The following GOLGA1 variants were observed in gnomAD, a reference collection of about 807,000 sequenced individuals.
GOLGA1 encodes golgin subfamily A member 1.
A neutral mutation model predicts 119.7 loss-of-function variants in GOLGA1; 63 were observed. That is an observed-to-expected ratio of 0.53 (90% CI 0.43 to 0.65). The LOEUF is 0.65. Ranked by LOEUF, GOLGA1 falls within the 30% of genes least tolerant of loss-of-function variation. GOLGA1 has a pLI of 0.00. For missense variants in GOLGA1, 798 were observed against 912.8 expected (o/e 0.87, Z 1.62); for synonymous variants, 318 against 333.4 (o/e 0.95, Z 0.50).
intron 8 of GOLGA1, among the ~76,000 whole-genome samples, chr9:124,922,624 C>G (rs978438779): frequency 6.7e-6 from 1 of 149,008 alleles, no homozygotes; most frequent in African/African-American, 2.5e-5. Context: ...TGGTGGCACA[C>G]ACCTACAGTA....
chr9:124,908,834 C>T (rs1830280937), intron 11 of GOLGA1, among the ~76,000 whole-genome samples: 1 of 152,192 alleles, frequency 6.6e-6, no homozygotes. Context: ...AGGGGGATGA[C>T]CAACGGCTAT....
chr9:124,888,483 T>C lies in GOLGA1; in HGVS notation c.1762-87A>G. On this transcript the variant is annotated intron_variant, in intron 18 of 22. Coordinates refer to ENST00000373555, the MANE Select transcript of GOLGA1 (RefSeq NM_002077.4). The surrounding 1 kb of genome is among the most constrained non-coding windows in gnomAD (Gnocchi z 4.4). ...ACACAGGGAAGGGGAGCTAGACTCG[T>C]CCCTTAGGTATGGGCGTTGTGCTCC... 8.1e-7 allele frequency: 1 copy of C among 1,236,824 alleles called. No homozygotes were observed. The highest frequency in any genetic ancestry group is 1.2e-6 in the Non-Finnish European group (1 of 853,268). 76.6% of individuals were successfully genotyped at this position (1,236,824 alleles called of 1,614,324 possible).
intron 3 of GOLGA1, among the ~76,000 whole-genome samples, chr9:124,933,264 T>C (rs1830805916): frequency 6.6e-6 from 1 of 152,198 alleles, no homozygotes; most frequent in South Asian, 2.1e-4. Context: ...TAGAAAGGCC[T>C]GCTTTTAAGG....
intron 3 of GOLGA1, among the ~76,000 whole-genome samples, chr9:124,932,704 G>A (rs1416326732): frequency 6.6e-6 from 1 of 152,188 alleles, no homozygotes; most frequent in African/African-American, 2.4e-5. Flanking sequence ...TAGAATGTGT[G>A]ACTTATAAAC....
chr9:124,925,892 T>C (rs558210591), intron 7 of GOLGA1, among the ~76,000 whole-genome samples: 16 of 152,348 alleles, frequency 1.1e-4, no homozygotes, highest in African/African-American at 3.8e-4. Flanking sequence ...GAGCCAGGAA[T>C]ATATTACTTA....
intron 11 of GOLGA1, among the ~76,000 whole-genome samples, chr9:124,911,600 G>A (rs1035505553): frequency 2.6e-5 from 4 of 152,250 alleles, no homozygotes; most frequent in African/African-American, 9.6e-5. Context: ...GAAGAGGGCA[G>A]TGCAGAAAGA....
intron 10 of GOLGA1, among the ~76,000 whole-genome samples, chr9:124,913,615 G>A (rs574103172): frequency 6.6e-6 from 1 of 152,306 alleles, no homozygotes; most frequent in South Asian, 2.1e-4. Flanking sequence ...GATAGTGGAG[G>A]GGAAGTCTGA....
intron 7 of GOLGA1, 103 bp from the exon 8 acceptor site, chr9:124,923,326 C>CA: frequency 1.1e-6 from 1 of 924,542 alleles, no homozygotes; most frequent in Non-Finnish European, 1.6e-6. Context: ...TCTTTAGAGA[C>CA]AGAGTCTCAC....
At chr9:124,884,852 G>A (rs148398560) in intron 19 of GOLGA1, among the ~76,000 whole-genome samples, 137 of 152,252 alleles carry the variant, frequency 9.0e-4, no homozygotes, top group African/African-American at 3.0e-3. Context: ...CTGTTCTAGG[G>A]GCTGGAGAAA....
chr9:124,924,160 T>G (rs1830625590), intron 7 of GOLGA1, among the ~76,000 whole-genome samples: 1 of 152,176 alleles, frequency 6.6e-6, no homozygotes, highest in Non-Finnish European at 1.5e-5. Flanking sequence ...CCAGCCTTAT[T>G]TTACATGTCT....
At position 124,899,333 on chromosome 9, in the gene GOLGA1, C is replaced by A. The variant is rs1436660907; in HGVS notation, c.1307G>T (p.Gly436Val). 6.5e-7 allele frequency: 1 copy of A among 1,547,042 alleles called. No individual in the cohort carries two copies. The highest frequency in any genetic ancestry group is 8.7e-7 in the Non-Finnish European group (1 of 1,145,098). Residue 436 changes from glycine to valine, a missense_variant, in exon 14 of 23, where the codon GGG becomes GTG. Coordinates refer to ENST00000373555, the MANE Select transcript of GOLGA1 (RefSeq NM_002077.4). The part of the protein sequence containing the change: ...RAADQTTAEQ[G>V]MRQLEQENAA... ...CTCTCTTAGCTCTTCACTCACCATC[C>A]CTTGCTCTGCGGTGGTCTGGTCAGC...
chr9:124,921,265 G>A (rs1055887855), intron 9 of GOLGA1, 25 bp from the exon 10 acceptor site: 1 of 1,364,164 alleles, frequency 7.3e-7, no homozygotes, highest in African/African-American at 1.4e-5. Flanking sequence ...AGCAGACAAT[G>A]AACAAATTTG....
chr9:124,889,074 C>T, intron 18 of GOLGA1, 69 bp downstream of exon 18: 2 of 1,299,884 alleles, frequency 1.5e-6, no homozygotes, highest in Non-Finnish European at 2.2e-6. Context: ...CTGCTGCCTC[C>T]TTAGGGGCAC....
At chr9:124,935,344 A>T (rs1261647584) in intron 3 of GOLGA1, among the ~76,000 whole-genome samples, 1 of 152,216 alleles carries the variant, frequency 6.6e-6, no homozygotes, top group Non-Finnish European at 1.5e-5. Context: ...GATATGCATT[A>T]AACAAAGTTG....
chr9:124,880,708 C>T lies in GOLGA1; in HGVS notation c.2224-98G>A. 5 of 752,226 alleles carry T rather than the reference C, an allele frequency of 6.6e-6. No individual in the cohort carries two copies. In the South Asian group the frequency reaches 7.1e-5, roughly 11 times the overall value. The allele number at this position is 752,226 out of a possible 1,614,324, so 46.6% of individuals were successfully genotyped here. ...CCCTCCCGTGAGCCTGTCACTCCTG[C>T]CCCCCACACATCCTGCCTCTGGCTC... is the stretch of plus-strand genomic sequence containing the variant. On this transcript the variant is annotated intron_variant, in intron 22 of 22. Coordinates refer to ENST00000373555, the MANE Select transcript of GOLGA1 (RefSeq NM_002077.4).
chr9:124,908,505 T>C, intron 11 of GOLGA1, 33 bp from the exon 12 acceptor site: 1 of 1,080,668 alleles, frequency 9.3e-7, no homozygotes, highest in African/African-American at 1.5e-5. Context: ...AAGAAGACTA[T>C]CATTCCTCAG....
Position 124,881,661 on chromosome 9 carries a change from A to G in GOLGA1, c.2136+123T>C, listed in dbSNP as rs1326248681. On this transcript the variant is annotated intron_variant, in intron 21 of 22. Transcript: ENST00000373555. The surrounding 1 kb of genome is among the most constrained non-coding windows in gnomAD (Gnocchi z 4.9). ...CGCCAGCAGGAGAAATGACTGGGTGACCACAAGGGCGTCAAACCAGGATGT... is the reference window on the plus strand; with the variant it reads ...CGCCAGCAGGAGAAATGACTGGGTGGCCACAAGGGCGTCAAACCAGGATGT... 1.4e-6 allele frequency: 1 copy of G among 722,746 alleles called. No individual in the cohort carries two copies. Among genetic ancestry groups the G allele is most frequent in the East Asian group, 2.6e-5 (1 of 39,004 alleles). The allele number at this position is 722,746 out of a possible 1,614,324, so 44.8% of individuals were successfully genotyped here.
At chr9:124,921,059 C>A in intron 10 of GOLGA1, 70 bp downstream of exon 10, 1 of 955,552 alleles carries the variant, frequency 1.0e-6, no homozygotes, top group Non-Finnish European at 1.7e-6. Flanking sequence ...TACTCTCAGG[C>A]AGAAATTTCT....
intron 4 of GOLGA1, 55 bp from the exon 5 acceptor site, chr9:124,929,345 A>G (rs1830731668): frequency 9.4e-7 from 1 of 1,066,902 alleles, no homozygotes; most frequent in African/African-American, 1.6e-5. Context: ...CAGGAAAGGA[A>G]GTTAATTAAA....
Sources: gnomAD v4.1 joint callset for allele counts (sites outside exome capture counted in the v4.1 genomes callset) on GRCh38, gnomAD v4.1.1 for gene constraint, Gnocchi (gnomAD v3.1) non-coding constraint, MANE v1.5 for transcripts, NCBI Gene and HGNC (gene_info 2026-07-23, HGNC 2026-07-21) for gene names.